LRP1B: variants seen among roughly 807,000 people sequenced by gnomAD.
The protein encoded by LRP1B is low-density lipoprotein receptor-related protein 1B.
Under a neutral mutation model 556.6 loss-of-function variants are expected in LRP1B, and 217 were observed. The ratio of observed to expected loss-of-function variants is 0.39; its 90% CI spans 0.35 to 0.44. LRP1B has a LOEUF of 0.44. Among genes scored for constraint, LRP1B ranks in the 20% least tolerant of loss-of-function variants. The probability of loss-of-function intolerance (pLI) is 1.00; values close to 1 mark genes in which losing one functional copy is unlikely to be tolerated. For missense variants in LRP1B, 5,053 were observed against 5,620.8 expected (o/e 0.90, Z 3.23); for synonymous variants, 2,047 against 1,865.8 (o/e 1.10, Z -2.50).
At chr2:141,514,970 T>G (rs1392996677) in intron 2 of LRP1B, among the ~76,000 whole-genome samples, 1 of 151,126 alleles carries the variant, frequency 6.6e-6, no homozygotes, top group Non-Finnish European at 1.5e-5. Context: ...AACCTGGTCA[T>G]GGGTCAGACA....
At chr2:141,503,878 A>T (rs1322495443) in intron 2 of LRP1B, among the ~76,000 whole-genome samples, 3 of 152,162 alleles carry the variant, frequency 2.0e-5, no homozygotes, top group Non-Finnish European at 4.4e-5. Flanking sequence ...TAATAAACAC[A>T]ACAGAGCACT....
At chr2:140,380,526 T>A (rs191869869) in intron 67 of LRP1B, among the ~76,000 whole-genome samples, 1 of 152,300 alleles carries the variant, frequency 6.6e-6, no homozygotes, top group East Asian at 1.9e-4. Flanking sequence ...GTTCAATTTA[T>A]TTAACAATGG....
At chr2:141,660,133 G>T (rs1301602398) in intron 2 of LRP1B, among the ~76,000 whole-genome samples, 3 of 151,918 alleles carry the variant, frequency 2.0e-5, no homozygotes, top group Admixed American at 2.0e-4. Flanking sequence ...AGGTATCCAG[G>T]TTCTCTTGCT....
At chr2:141,322,772 C>T (rs1427392019) in intron 3 of LRP1B, among the ~76,000 whole-genome samples, 1 of 151,924 alleles carries the variant, frequency 6.6e-6, no homozygotes, top group African/African-American at 2.4e-5. Context: ...ATTTCTAAAC[C>T]ACAAATATAG....
At chr2:140,521,592 A>G (rs1485853) in intron 49 of LRP1B, among the ~76,000 whole-genome samples, 1 of 151,780 alleles carries the variant, frequency 6.6e-6, no homozygotes, top group Non-Finnish European at 1.5e-5. Context: ...ACACATAAGC[A>G]CACAGCCCAT....
At chr2:140,922,194 A>G (rs1022984771) in intron 21 of LRP1B, among the ~76,000 whole-genome samples, 2 of 152,062 alleles carry the variant, frequency 1.3e-5, no homozygotes, top group Non-Finnish European at 2.9e-5. Flanking sequence ...TTATCATTTC[A>G]ACTGGTACCC....
chr2:140,694,694 T>A (rs1034609232), intron 41 of LRP1B, among the ~76,000 whole-genome samples: 1 of 152,182 alleles, frequency 6.6e-6, no homozygotes, highest in Non-Finnish European at 1.5e-5. Context: ...GCTAAAAGAC[T>A]ATTAAATCTA....
chr2:141,998,265 C>A (rs10221874), intron 1 of LRP1B, among the ~76,000 whole-genome samples: 130,402 of 152,054 alleles, frequency 0.86, 56,024 homozygotes, highest in East Asian at 0.95. Flanking sequence ...TTTAATACTC[C>A]TCTAACACAC....
At chr2:141,014,764 T>G (rs1682516681) in intron 13 of LRP1B, among the ~76,000 whole-genome samples, 1 of 152,120 alleles carries the variant, frequency 6.6e-6, no homozygotes, top group African/African-American at 2.4e-5. Context: ...CAACATCTTC[T>G]AAGGAAGCAT....
intron 50 of LRP1B, among the ~76,000 whole-genome samples, chr2:140,515,499 A>G (rs1381517669): frequency 6.6e-6 from 1 of 152,046 alleles, no homozygotes; most frequent in Non-Finnish European, 1.5e-5. Flanking sequence ...GTCACTAGAA[A>G]ACCTTCAAAA....
intron 66 of LRP1B, among the ~76,000 whole-genome samples, chr2:140,431,046 C>T (rs572402778): frequency 3.5e-4 from 53 of 152,306 alleles, no homozygotes; most frequent in African/African-American, 1.3e-3. Context: ...TTCTTCCCTT[C>T]TGTCAGATAT....
chr2:141,782,791 C>CT (rs1320161213), intron 2 of LRP1B, among the ~76,000 whole-genome samples: 1 of 151,812 alleles, frequency 6.6e-6, no homozygotes, highest in Non-Finnish European at 1.5e-5. Context: ...TTCACAGAAG[C>CT]TTTTTTTCCC....
chr2:141,017,889 C>T (rs1019342485), intron 12 of LRP1B, among the ~76,000 whole-genome samples: 3 of 151,608 alleles, frequency 2.0e-5, no homozygotes, highest in African/African-American at 7.3e-5. Context: ...TCCAGCTAGT[C>T]TCAAAGCTGA....
At chr2:141,837,196 G>T (rs563967306) in intron 1 of LRP1B, among the ~76,000 whole-genome samples, 1 of 152,096 alleles carries the variant, frequency 6.6e-6, no homozygotes, top group Admixed American at 6.6e-5. Context: ...AGATAGTACA[G>T]TTCTGCCAGT....
intron 41 of LRP1B, among the ~76,000 whole-genome samples, chr2:140,609,165 T>C (rs995160057): frequency 6.6e-5 from 10 of 152,276 alleles, no homozygotes; most frequent in African/African-American, 2.4e-4. Flanking sequence ...CCCTCAGGTA[T>C]GCTGTAATTC....
intron 2 of LRP1B, among the ~76,000 whole-genome samples, chr2:141,807,275 T>C (rs1342616048): frequency 6.6e-6 from 1 of 152,038 alleles, no homozygotes; most frequent in Admixed American, 6.6e-5. Context: ...AACGCTTTTT[T>C]TTTCTATGCA....
At chr2:141,203,585 G>T (rs1682138620) in intron 6 of LRP1B, among the ~76,000 whole-genome samples, 1 of 152,018 alleles carries the variant, frequency 6.6e-6, no homozygotes, top group South Asian at 2.1e-4. Context: ...CAATAATGGG[G>T]GGGGAGGACT....
At chr2:141,467,054 A>C (rs1682237133) in intron 3 of LRP1B, among the ~76,000 whole-genome samples, 1 of 142,598 alleles carries the variant, frequency 7.0e-6, no homozygotes. Context: ...TGTAGCCCTC[A>C]CTGGCTCCCC....
chr2:140,384,339 A>AT (rs1041190166), intron 67 of LRP1B, among the ~76,000 whole-genome samples: 16 of 152,076 alleles, frequency 1.1e-4, no homozygotes, highest in African/African-American at 2.4e-4. Context: ...TAATTGTGGG[A>AT]TTTTTTATAT....
Sources: allele counts gnomAD v4.1 joint callset (sites outside exome capture counted in the v4.1 genomes callset), GRCh38; gene constraint gnomAD v4.1.1; transcripts MANE v1.5; gene names NCBI Gene and HGNC (gene_info 2026-07-23, HGNC 2026-07-21).